DAB1: variants seen among roughly 807,000 people sequenced by gnomAD.
The protein encoded by DAB1 is DAB adaptor protein 1.
Under a neutral mutation model 64.6 loss-of-function variants are expected in DAB1, and 15 were observed. That is an observed-to-expected ratio of 0.23 (90% CI 0.16 to 0.36). The LOEUF (loss-of-function observed/expected upper bound fraction) is 0.36, where lower values mean the gene tolerates loss of function less well. DAB1 is among the 10% of genes least tolerant of loss of function. DAB1 has a pLI of 1.00. For synonymous variants in DAB1, 235 were observed against 251.9 expected (o/e 0.93, Z 0.64); for missense variants, 596 against 706.7 (o/e 0.84, Z 1.78).
At chr1:58,086,317 A>G (rs1650311799) in intron 5 of DAB1, among the ~76,000 whole-genome samples, 1 of 151,998 alleles carries the variant, frequency 6.6e-6, no homozygotes. Flanking sequence ...TCAACACCTA[A>G]CACATTTAAA....
chr1:58,309,448 T>A (rs1662379620), intron 4 of DAB1, among the ~76,000 whole-genome samples: 1 of 152,158 alleles, frequency 6.6e-6, no homozygotes, highest in African/African-American at 2.4e-5. Context: ...CTGGAAAGGA[T>A]GAGGGTTCCA....
chr1:58,049,196 G>T, intron 5 of DAB1: 2 of 768,276 alleles, frequency 2.6e-6, no homozygotes, highest in Non-Finnish European at 4.8e-6. Flanking sequence ...GCTCAAAATG[G>T]CTTCTCAGGT....
intron 6 of DAB1, among the ~76,000 whole-genome samples, chr1:57,655,669 C>T (rs1446749977): frequency 3.3e-5 from 5 of 151,954 alleles, no homozygotes; most frequent in Non-Finnish European, 7.4e-5. Context: ...ATAAGTGCCA[C>T]GGAGAAACAT....
chr1:57,647,544 C>A (rs903216522), intron 7 of DAB1, among the ~76,000 whole-genome samples: 20 of 152,158 alleles, frequency 1.3e-4, no homozygotes, highest in African/African-American at 4.6e-4. Context: ...TGCTGATTCA[C>A]CATTCCTAAC....
intron 7 of DAB1, among the ~76,000 whole-genome samples, chr1:57,492,567 T>C (rs1326752034): frequency 6.6e-6 from 1 of 152,244 alleles, no homozygotes; most frequent in Non-Finnish European, 1.5e-5. Context: ...AACTGAATTG[T>C]TAATTTTAGT....
chr1:58,528,810 G>A (rs554582611), intron 1 of DAB1, among the ~76,000 whole-genome samples: 2 of 152,282 alleles, frequency 1.3e-5, no homozygotes, highest in Admixed American at 1.3e-4. Flanking sequence ...ACTTTCTAGA[G>A]AGAAACATCT....
chr1:58,266,550 T>A (rs192546446), intron 4 of DAB1, among the ~76,000 whole-genome samples: 73 of 152,316 alleles, frequency 4.8e-4, no homozygotes, highest in Middle Eastern at 3.4e-3. Flanking sequence ...AAAGTAAAGA[T>A]AGTATTCCTG....
At chr1:57,652,509 C>T (rs1456987208) in intron 6 of DAB1, among the ~76,000 whole-genome samples, 3 of 152,132 alleles carry the variant, frequency 2.0e-5, no homozygotes, top group Admixed American at 2.0e-4. Flanking sequence ...ATTCCCCTGC[C>T]TTGATAAATT....
At chr1:58,223,702 G>C (rs1226667641) in intron 4 of DAB1, among the ~76,000 whole-genome samples, 1 of 152,182 alleles carries the variant, frequency 6.6e-6, no homozygotes, top group Non-Finnish European at 1.5e-5. Context: ...ATCTGATAAA[G>C]GAGATTAAAT....
chr1:58,277,720 A>T (rs534019488), intron 4 of DAB1, among the ~76,000 whole-genome samples: 1 of 152,234 alleles, frequency 6.6e-6, no homozygotes, highest in Admixed American at 6.5e-5. Context: ...AAATAAATTA[A>T]CAAAGGATGC....
chr1:57,573,652 G>A (rs900492485), intron 7 of DAB1, among the ~76,000 whole-genome samples: 2 of 152,162 alleles, frequency 1.3e-5, no homozygotes, highest in Non-Finnish European at 2.9e-5. Context: ...ATAAATCCGT[G>A]TTGCAATGAA....
intron 7 of DAB1, among the ~76,000 whole-genome samples, chr1:57,498,981 T>A (rs1327888561): frequency 6.6e-6 from 1 of 152,036 alleles, no homozygotes; most frequent in Non-Finnish European, 1.5e-5. Flanking sequence ...TGGTGTTTTG[T>A]TTTGTTTTGT....
intron 6 of DAB1, among the ~76,000 whole-genome samples, chr1:57,818,564 T>C: frequency 6.6e-6 from 1 of 151,994 alleles, no homozygotes. Flanking sequence ...TTAGTATGTG[T>C]TACCCATTTG....
At chr1:57,480,491 C>T (rs1570559413) in intron 7 of DAB1, among the ~76,000 whole-genome samples, 2 of 146,802 alleles carry the variant, frequency 1.4e-5, no homozygotes, top group African/African-American at 2.5e-5. Context: ...GTGTAATTTT[C>T]TTTTTTTTTT....
At chr1:57,477,289 G>A (rs1451012386) in intron 7 of DAB1, among the ~76,000 whole-genome samples, 1 of 152,136 alleles carries the variant, frequency 6.6e-6, no homozygotes, top group African/African-American at 2.4e-5. Context: ...TGCACACACA[G>A]ACCCCTAAAA....
chr1:57,262,263 G>A (rs996840048), intron 2 of DAB1, among the ~76,000 whole-genome samples: 1 of 152,222 alleles, frequency 6.6e-6, no homozygotes, highest in African/African-American at 2.4e-5. Context: ...ACAGCTTTCT[G>A]TGGCAGAGGC....
chr1:58,526,313 T>A (rs1323795036), intron 2 of DAB1, among the ~76,000 whole-genome samples: 1 of 152,122 alleles, frequency 6.6e-6, no homozygotes, highest in Admixed American at 6.5e-5. Context: ...CCTTGATTTA[T>A]GAAATTAAAT....
chr1:57,680,746 C>G (rs1265159277), intron 6 of DAB1, among the ~76,000 whole-genome samples: 1 of 152,194 alleles, frequency 6.6e-6, no homozygotes, highest in Non-Finnish European at 1.5e-5. Context: ...TGCCATGTGT[C>G]TTAGTCCAAC....
intron 5 of DAB1, among the ~76,000 whole-genome samples, chr1:58,125,049 G>A (rs969001752): frequency 4.6e-5 from 7 of 152,056 alleles, no homozygotes; most frequent in African/African-American, 1.7e-4. Context: ...ACTTTTCTGG[G>A]ATATGTATGT....
Sources: allele counts gnomAD v4.1 joint callset (sites outside exome capture counted in the v4.1 genomes callset), GRCh38; gene constraint gnomAD v4.1.1; transcripts MANE v1.5; gene names NCBI Gene and HGNC (gene_info 2026-07-23, HGNC 2026-07-21).